PWWP2A: variants seen among roughly 807,000 people sequenced by gnomAD.
The protein encoded by PWWP2A is PWWP domain containing 2A.
In PWWP2A, 18 loss-of-function variants were observed where a neutral mutation model predicts 48.5. The ratio of observed to expected loss-of-function variants is 0.37; its 90% confidence interval spans 0.26 to 0.55. The LOEUF (loss-of-function observed/expected upper bound fraction) is 0.55. PWWP2A is among the 20% of genes least tolerant of loss of function. The pLI is 0.81. For missense variants in PWWP2A, 867 were observed against 976.4 expected (o/e 0.89, Z 1.49); for synonymous variants, 396 against 387.7 (o/e 1.02, Z -0.25).
chr5:160,096,492 A>G (rs1755664881), intron 1 of PWWP2A, among the ~76,000 whole-genome samples: 2 of 152,230 alleles, frequency 1.3e-5, no homozygotes, highest in African/African-American at 4.8e-5. Flanking sequence ...AACATAAACA[A>G]TGTGACTTAT....
rs747669397 is a variant in PWWP2A at position 160,119,378 on chromosome 5, A to T, written c.11T>A (p.Val4Glu). 514 of 1,194,974 alleles carry T rather than the reference A, an allele frequency of 4.3e-4. No homozygotes were observed. Among genetic ancestry groups the T allele is most frequent in the Non-Finnish European group, 5.3e-4 (495 of 939,262 alleles). The allele number at this position is 1,194,974 out of a possible 1,614,324, so 74.0% of individuals were successfully genotyped here. A position where few individuals can be genotyped will look rare whatever the true frequency, so the allele number is the denominator to read the frequency against. MAA[V>E]AAEAAATAAS... ...TGCAGTCGCTGCCGCCTCTGCAGCC[A>T]CGGCCGCCATTTTCTTCCTAGCTTC... Residue 4 changes from valine to glutamate, a missense_variant, in exon 1 of 2, where the codon GTG becomes GAG. Coordinates refer to ENST00000307063, the MANE Select transcript of PWWP2A (RefSeq NM_001130864.2).
chr5:160,115,137 C>CCAAA (rs1757987065), intron 1 of PWWP2A, among the ~76,000 whole-genome samples: 1 of 88,414 alleles, frequency 1.1e-5, no homozygotes, highest in Admixed American at 1.4e-4. Flanking sequence ...GAGACTCTGT[C>CCAAA]AAAAAAAAAA....
chr5:160,065,178 G>A (rs1032838528), intron 4 of PWWP2A: 2 of 1,445,682 alleles, frequency 1.4e-6, no homozygotes, highest in Admixed American at 3.9e-5. Flanking sequence ...CTAAAAGAAA[G>A]GCTATCCAGT....
the PWWP2A span, among the ~76,000 whole-genome samples, chr5:160,053,588 C>T: frequency 6.6e-6 from 1 of 152,220 alleles, no homozygotes; most frequent in South Asian, 2.1e-4. Context: ...ATTATAAAAT[C>T]AGGTAGTGTG....
At chr5:160,067,448 CAGA>C (rs576416610) in intron 2 of PWWP2A, among the ~76,000 whole-genome samples, 87 of 152,212 alleles carry the variant, frequency 5.7e-4, no homozygotes, top group African/African-American at 2.0e-3. Flanking sequence ...GCTGAGATTC[CAGA>C]AGGACTATCT....
At chr5:160,105,340 A>G (rs1254929702) in intron 1 of PWWP2A, among the ~76,000 whole-genome samples, 2 of 150,684 alleles carry the variant, frequency 1.3e-5, no homozygotes, top group African/African-American at 2.4e-5. Flanking sequence ...CAAGGTCAGG[A>G]GATGGAGACC....
Position 160,092,426 on chromosome 5 carries a change from G to T in PWWP2A, c.2224C>A (p.Leu742Met). The change falls in exon 2 of 2, where the codon CTG becomes ATG. Residue 742 changes from leucine to methionine, a missense_variant. This residue lies in a region of PWWP2A where 97 missense variants were observed against 151.7 expected (regional missense o/e 0.64). Coordinates refer to ENST00000307063, the MANE Select transcript of PWWP2A (RefSeq NM_001130864.2). ...ITEAAKAAKQLTPEVRALLTQ... is the reference protein window; with the variant it reads ...ITEAAKAAKQMTPEVRALLTQ... ...AACAAAGCCCGCACTTCGGGGGTCA[G>T]CTGCTTGGCAGCCTTAGCTGCCTCT... is the stretch of plus-strand genomic sequence containing the variant. The T allele has an allele frequency of 6.4e-7, 1 of 1,550,504 alleles. No homozygotes were observed. Among genetic ancestry groups the T allele is most frequent in the South Asian group, 1.2e-5 (1 of 84,018 alleles).
downstream of PWWP2A, among the ~76,000 whole-genome samples, chr5:160,073,007 A>C (rs1337326139): frequency 3.5e-4 from 5 of 14,346 alleles, no homozygotes; most frequent in South Asian, 3.0e-3. Flanking sequence ...TCCGTCTCAA[A>C]AAAAAAAAAA....
chr5:160,076,358 A>C (rs1215778313), exon 4 of PWWP2A: 1 of 152,200 alleles, frequency 6.6e-6, no homozygotes, highest in Non-Finnish European at 1.5e-5. Flanking sequence ...CTGGTTCTTG[A>C]AGTGAGCCCG....
At chr5:160,067,672 G>A (rs1451610130) in intron 2 of PWWP2A, among the ~76,000 whole-genome samples, 1 of 152,186 alleles carries the variant, frequency 6.6e-6, no homozygotes, top group Admixed American at 6.5e-5. Flanking sequence ...TGCATTGTCT[G>A]GAAAGGAAAG....
At chr5:160,068,415 TGTG>T (rs1036451503) in intron 2 of PWWP2A, among the ~76,000 whole-genome samples, 2 of 151,738 alleles carry the variant, frequency 1.3e-5, no homozygotes, top group African/African-American at 2.4e-5. Flanking sequence ...GCCTGGCCAA[TGTG>T]GTGAAACCTC....
rs1225787835 is a variant in PWWP2A, at chr5:160,119,102, G to C, written c.287C>G (p.Ser96Cys). Residue 96 changes from serine to cysteine, a missense_variant, in exon 1 of 2, where the codon TCC becomes TGC. Ser to Cys is a moderately radical substitution (Grantham distance 112, BLOSUM62 -1). This residue lies in a region of PWWP2A where 385 missense variants were observed against 396.9 expected (regional missense o/e 0.97). Coordinates refer to ENST00000307063, the MANE Select transcript of PWWP2A (RefSeq NM_001130864.2). The stretch of plus-strand genomic sequence containing the variant: ...TGCCGCCGACTCCGCCACCCGAACG[G>C]ACAGTTTCTCCTCAGCCTCCAGCTC... Reference protein sequence around the residue: ...GPELEAEEKLSVRVAESAAAA... With the variant: ...GPELEAEEKLCVRVAESAAAA... 2 of 1,588,556 alleles carry C rather than the reference G, an allele frequency of 1.3e-6. No homozygotes were observed. Among genetic ancestry groups the C allele is most frequent in the Admixed American group, 1.7e-5 (1 of 59,300 alleles).
chr5:160,051,500 A>G, the PWWP2A span, among the ~76,000 whole-genome samples: 1 of 152,238 alleles, frequency 6.6e-6, no homozygotes, highest in East Asian at 1.9e-4. Flanking sequence ...GATTTCAGAT[A>G]ACAATTACAT....
intron 1 of PWWP2A, among the ~76,000 whole-genome samples, chr5:160,109,773 AAATATATATATATAT>A (rs1356140505): frequency 6.6e-5 from 2 of 30,124 alleles, no homozygotes; most frequent in African/African-American, 2.5e-4. Flanking sequence ...AAAAAAAAAA[AAATATATATATATAT>A]ATATATATAT....
intron 1 of PWWP2A, among the ~76,000 whole-genome samples, chr5:160,101,786 A>C (rs1328762872): frequency 6.6e-6 from 1 of 151,666 alleles, no homozygotes; most frequent in Non-Finnish European, 1.5e-5. Flanking sequence ...ATCCTGGGCA[A>C]CATAGAAAGA....
At chr5:160,097,719 G>A (rs1380510053) in intron 1 of PWWP2A, among the ~76,000 whole-genome samples, 6 of 136,544 alleles carry the variant, frequency 4.4e-5, no homozygotes, top group African/African-American at 8.1e-5. Flanking sequence ...GGGGGGGGGC[G>A]GTTGTTTTGT....
intron 1 of PWWP2A, among the ~76,000 whole-genome samples, chr5:160,117,667 A>G (rs1758282307): frequency 6.6e-6 from 1 of 152,210 alleles, no homozygotes; most frequent in Non-Finnish European, 1.5e-5. Context: ...AAAAAAAAAA[A>G]AAAAGATATT....
downstream of PWWP2A, among the ~76,000 whole-genome samples, chr5:160,075,015 G>A (rs1307464574): frequency 6.6e-6 from 1 of 152,048 alleles, no homozygotes; most frequent in African/African-American, 2.4e-5. Context: ...GCCAGCATTG[G>A]TAAGATTTTC....
chr5:160,093,593 G>A lies in PWWP2A; in HGVS notation c.1057C>T (p.Arg353Trp), dbSNP rs1755309280. Residue 353 changes from arginine to tryptophan, a missense_variant, in exon 2 of 2, where the codon CGG becomes TGG. Arg to Trp is a moderately radical substitution (Grantham distance 101). This residue lies in a region of PWWP2A where 382 missense variants were observed against 407.2 expected (regional missense o/e 0.94). Transcript: ENST00000307063. This position sits in a 1 kb window ranked among gnomAD's most constrained non-coding sequence, Gnocchi z 5.8. The stretch of plus-strand genomic sequence containing the variant: ...ACAGTAGTTACACTTTCATTTCTCC[G>A]TTTTTTATCTTCATATTTAGAAGAG... ...TDSSKYEDKK[R>W]RNESVTTVNK... is the part of the protein sequence containing the mutation. 10 of 1,613,356 alleles carry A rather than the reference G, an allele frequency of 6.2e-6. No homozygotes were observed. The highest frequency in any genetic ancestry group is 8.5e-6 in the Non-Finnish European group (10 of 1,179,744).
Sources: allele counts gnomAD v4.1 joint callset (sites outside exome capture counted in the v4.1 genomes callset), GRCh38; gene constraint gnomAD v4.1.1; regional missense constraint gnomAD v4.1.1; non-coding constraint Gnocchi (gnomAD v3.1); transcripts MANE v1.5; gene names NCBI Gene and HGNC (gene_info 2026-07-23, HGNC 2026-07-21).